Variants in DMXL2 observed in about 807,000 individuals in gnomAD.
DMXL2 encodes the protein Dmx like 2.
Under a neutral mutation model 331.1 loss-of-function variants are expected in DMXL2, and 103 were observed. The ratio of observed to expected loss-of-function variants is 0.31; its 90% CI spans 0.27 to 0.37. DMXL2 has a LOEUF of 0.37. Among genes scored for constraint, DMXL2 ranks in the 10% least tolerant of loss-of-function variants. The probability of loss-of-function intolerance (pLI) is 1.00; values close to 1 mark genes in which losing one functional copy is unlikely to be tolerated. For synonymous variants in DMXL2, 1,281 were observed against 1,252.1 expected, an observed-to-expected ratio of 1.02 and a Z score of -0.49; for missense variants, 3,171 against 3,642.9, an observed-to-expected ratio of 0.87 and a Z score of 3.33.
intron 37 of DMXL2, 130 bp from the exon 38 acceptor site, chr15:51,456,499 T>G: frequency 1.6e-6 from 1 of 630,068 alleles, no homozygotes; most frequent in Non-Finnish European, 2.7e-6. Context: ...CTGTTATGGA[T>G]GTTCTGAACC....
At chr15:51,502,482 C>A (rs549412115) in intron 17 of DMXL2, among the ~76,000 whole-genome samples, 212 of 152,068 alleles carry the variant, frequency 1.4e-3, no homozygotes, top group Non-Finnish European at 2.6e-3. Context: ...GCCACCACGC[C>A]CAACTAATTT....
chr15:51,552,058 G>A (rs1038058309), intron 6 of DMXL2, among the ~76,000 whole-genome samples: 2 of 152,122 alleles, frequency 1.3e-5, no homozygotes, highest in Non-Finnish European at 2.9e-5. Flanking sequence ...CTAGACAGAG[G>A]GAACAGCACA....
chr15:51,551,546 T>C (rs989454285), intron 6 of DMXL2, among the ~76,000 whole-genome samples: 2 of 152,110 alleles, frequency 1.3e-5, no homozygotes, highest in Non-Finnish European at 2.9e-5. Context: ...CAGATACAGA[T>C]TTATTAAAGA....
intron 14 of DMXL2, among the ~76,000 whole-genome samples, chr15:51,516,873 T>G (rs2047065563): frequency 6.6e-6 from 1 of 152,216 alleles, no homozygotes; most frequent in African/African-American, 2.4e-5. Context: ...CGCCCACTTA[T>G]AAATGAGAAC....
chr15:51,620,932 A>T (rs568448873), intron 1 of DMXL2, among the ~76,000 whole-genome samples: 64 of 152,296 alleles, frequency 4.2e-4, no homozygotes, highest in African/African-American at 1.5e-3. Flanking sequence ...GTGAGACAGC[A>T]CTCCACTTTA....
Position 51,483,794 on chromosome 15 carries a change from C to T in DMXL2, c.5483-2171G>A, listed in dbSNP as rs567998594. On this transcript the variant is annotated intron_variant, in intron 23 of 43. Coordinates refer to ENST00000560891, the MANE Select transcript of DMXL2 (RefSeq NM_001378457.1). Reference sequence around the variant, plus strand: ...CAGCCAAGAGCCCACTTCCACGGCCCTGTGGGCTATCCCTGGTGGACACAT... The same window carrying T: ...CAGCCAAGAGCCCACTTCCACGGCCTTGTGGGCTATCCCTGGTGGACACAT... Among the ~76,000 whole-genome samples, 8 of 152,164 alleles carry T rather than the reference C, an allele frequency of 5.3e-5. No individual in the cohort carries two copies. In the East Asian group the frequency reaches 1.6e-3, roughly 30 times the overall value.
At chr15:51,487,032 A>G (rs996064058) in intron 22 of DMXL2, among the ~76,000 whole-genome samples, 1 of 152,142 alleles carries the variant, frequency 6.6e-6, no homozygotes, top group African/African-American at 2.4e-5. Flanking sequence ...TTTTTCTATC[A>G]TATATTATTC....
At chr15:51,529,131 T>C (rs995396431) in intron 13 of DMXL2, among the ~76,000 whole-genome samples, 4 of 152,116 alleles carry the variant, frequency 2.6e-5, no homozygotes, top group Non-Finnish European at 2.9e-5. Flanking sequence ...GGGAAGTTTA[T>C]AGCTGTAAGT....
At chr15:51,512,817 A>G (rs1378634547) in intron 15 of DMXL2, among the ~76,000 whole-genome samples, 3 of 113,058 alleles carry the variant, frequency 2.7e-5, no homozygotes, top group East Asian at 3.0e-4. Flanking sequence ...TCTGTCTCGG[A>G]AAAAAAAAAA....
chr15:51,590,779 G>C (rs1321163394), intron 1 of DMXL2, among the ~76,000 whole-genome samples: 1 of 152,116 alleles, frequency 6.6e-6, no homozygotes, highest in Non-Finnish European at 1.5e-5. Context: ...AGTTACTCTA[G>C]ACCAGGCACA....
chr15:51,561,248 A>C (rs2049950283), intron 6 of DMXL2, among the ~76,000 whole-genome samples: 1 of 152,222 alleles, frequency 6.6e-6, no homozygotes, highest in Non-Finnish European at 1.5e-5. Context: ...GAAAGACATG[A>C]GTTTCAGATT....
chr15:51,456,032 C>T (rs1171197490), intron 39 of DMXL2, 34 bp downstream of exon 39: 1 of 1,608,244 alleles, frequency 6.2e-7, no homozygotes, highest in Admixed American at 1.7e-5. Context: ...CAACTATTTT[C>T]AGATGAATTC....
At chr15:51,597,747 C>G (rs950353713) in intron 1 of DMXL2, among the ~76,000 whole-genome samples, 2 of 152,206 alleles carry the variant, frequency 1.3e-5, no homozygotes, top group Non-Finnish European at 2.9e-5. Context: ...CCAATTTATA[C>G]TGTCACTAGC....
intron 1 of DMXL2, 53 bp downstream of exon 1, chr15:51,622,406 C>A (rs890620814): frequency 7.7e-6 from 12 of 1,548,414 alleles, no homozygotes; most frequent in African/African-American, 1.4e-5. Flanking sequence ...GAGGTCCCTG[C>A]CCCCGCGTCT....
In DMXL2 at chr15:51,502,132, T is replaced by C. The variant is rs538282342; in HGVS notation, c.2992+674A>G. On this transcript the variant is annotated intron_variant, in intron 17 of 43. Transcript: ENST00000560891. ...CTGTAGTCCCAACTATTCAGGAGGCTGAGGCAGGAGAATGGGTGTGAACCC... is the reference window on the plus strand; with the variant it reads ...CTGTAGTCCCAACTATTCAGGAGGCCGAGGCAGGAGAATGGGTGTGAACCC... 1.7e-3 allele frequency among the ~76,000 whole-genome samples: 256 copies of C among 147,674 alleles called. 14 individuals are homozygous for C. In the South Asian group the frequency reaches 0.053, roughly 31 times the overall value.
At chr15:51,489,896 A>G (rs1255210600) in intron 20 of DMXL2, among the ~76,000 whole-genome samples, 2 of 152,226 alleles carry the variant, frequency 1.3e-5, no homozygotes, top group Non-Finnish European at 2.9e-5. Flanking sequence ...TTACTTGTGG[A>G]AATAAATCAT....
intron 15 of DMXL2, among the ~76,000 whole-genome samples, chr15:51,507,469 T>C (rs1013662059): frequency 3.9e-5 from 6 of 152,128 alleles, no homozygotes; most frequent in African/African-American, 1.4e-4. Flanking sequence ...AAAGCTAACA[T>C]GAAAGGATAC....
chr15:51,455,060 A>G, intron 40 of DMXL2, 91 bp downstream of exon 40: 1 of 1,032,376 alleles, frequency 9.7e-7, no homozygotes, highest in East Asian at 2.5e-5. Flanking sequence ...TTTTCCCAAT[A>G]GGACCACCAA....
rs570633286 is a variant in DMXL2 at position 51,512,669 on chromosome 15, A to T, written c.2644+1773T>A. On this transcript the variant is annotated intron_variant, in intron 15 of 43. Transcript: ENST00000560891. ...TAGTAATAATACAAAAAAATTAGCC[A>T]GGTGGGCTTACAGCCGAGTAGCTGT... Among the ~76,000 whole-genome samples the T allele has an allele frequency of 2.6e-5, 4 of 152,218 alleles. No individual in the cohort carries two copies. In the South Asian group the frequency reaches 8.3e-4, roughly 32 times the overall value.
Sources: allele counts gnomAD v4.1 joint callset (sites outside exome capture counted in the v4.1 genomes callset), GRCh38; gene constraint gnomAD v4.1.1; transcripts MANE v1.5; gene names NCBI Gene and HGNC (gene_info 2026-07-23, HGNC 2026-07-21).